The following UNC13C variants were observed in gnomAD, a reference collection of about 807,000 sequenced individuals.
UNC13C encodes the protein unc-13 homolog C, also known as protein unc-13 homolog C.
A neutral mutation model predicts 245.4 loss-of-function variants in UNC13C; 174 were observed. That is an observed-to-expected ratio of 0.71 (90% CI 0.63 to 0.80). The LOEUF is 0.80. Among genes scored for constraint, UNC13C ranks in the 30% least tolerant of loss-of-function variants. UNC13C has a pLI of 0.00. For synonymous variants in UNC13C, 992 were observed against 895.1 expected (o/e 1.11, Z -1.93); for missense variants, 2,829 against 2,602.9 (o/e 1.09, Z -1.89).
At chr15:54,567,470 C>T (rs1168212989) in intron 29 of UNC13C, among the ~76,000 whole-genome samples, 2 of 152,080 alleles carry the variant, frequency 1.3e-5, no homozygotes, top group African/African-American at 4.8e-5. Flanking sequence ...AGTCAATAAC[C>T]AGGTTGATAA....
chr15:54,118,576 T>C (rs2141189276), intron 2 of UNC13C, among the ~76,000 whole-genome samples: 1 of 152,282 alleles, frequency 6.6e-6, no homozygotes, highest in South Asian at 2.1e-4. Context: ...TAATATAATA[T>C]CATGTCATCT....
At chr15:54,364,650 T>C (rs1411709444) in intron 17 of UNC13C, among the ~76,000 whole-genome samples, 2 of 152,190 alleles carry the variant, frequency 1.3e-5, no homozygotes, top group Non-Finnish European at 2.9e-5. Context: ...CTCACACAAA[T>C]CTAAATAAGA....
At chr15:53,879,373 C>T in the UNC13C span, among the ~76,000 whole-genome samples, 3 of 152,088 alleles carry the variant, frequency 2.0e-5, no homozygotes, top group Non-Finnish European at 4.4e-5. Flanking sequence ...ATATTGCCCA[C>T]GCTGGTCTGA....
chr15:54,620,782 T>C (rs1900747900), intron 30 of UNC13C, among the ~76,000 whole-genome samples: 1 of 82,194 alleles, frequency 1.2e-5, no homozygotes, highest in South Asian at 4.5e-4. Context: ...CAAGACCCTG[T>C]CTCAAAAAAA....
At chr15:54,616,208 CAATCAATCAGCAGTAAGTTT>C (rs1308490251) in intron 30 of UNC13C, among the ~76,000 whole-genome samples, 1 of 151,916 alleles carries the variant, frequency 6.6e-6, no homozygotes, top group East Asian at 1.9e-4. Flanking sequence ...TAAGCTTTTT[CAATCAATCAGCAGTAAGTTT>C]AAAGTCCAGA....
intron 17 of UNC13C, among the ~76,000 whole-genome samples, chr15:54,372,224 A>G (rs1433784160): frequency 6.6e-6 from 1 of 152,076 alleles, no homozygotes; most frequent in African/African-American, 2.4e-5. Context: ...TACAATTTTT[A>G]CTTGTCAATT....
intron 13 of UNC13C, chr15:54,320,963 C>T (rs1447165654): frequency 5.0e-6 from 2 of 401,040 alleles, no homozygotes; most frequent in Non-Finnish European, 4.8e-6. Flanking sequence ...TATATTCATC[C>T]CCACTGCCAC....
At chr15:54,333,014 A>T (rs2038480215) in intron 15 of UNC13C, among the ~76,000 whole-genome samples, 1 of 152,018 alleles carries the variant, frequency 6.6e-6, no homozygotes, top group African/African-American at 2.4e-5. Flanking sequence ...TTTGGGGGCA[A>T]CAAGGGCCTG....
chr15:54,111,591 C>G (rs1317741844), intron 2 of UNC13C, among the ~76,000 whole-genome samples: 1 of 152,168 alleles, frequency 6.6e-6, no homozygotes, highest in East Asian at 1.9e-4. Flanking sequence ...ATGATCACCA[C>G]AAGACCTTTT....
At chr15:54,324,278 C>G (rs923349045) in intron 14 of UNC13C, among the ~76,000 whole-genome samples, 1 of 152,034 alleles carries the variant, frequency 6.6e-6, no homozygotes, top group Admixed American at 6.6e-5. Flanking sequence ...ATTCTGTCAT[C>G]TGGGACACAT....
the UNC13C span, among the ~76,000 whole-genome samples, chr15:53,935,991 C>G: frequency 6.6e-6 from 1 of 152,132 alleles, no homozygotes; most frequent in Non-Finnish European, 1.5e-5. Flanking sequence ...TCATTTATTC[C>G]CCTAGGAAGG....
intron 19 of UNC13C, among the ~76,000 whole-genome samples, chr15:54,425,232 T>C (rs2040735713): frequency 6.6e-6 from 1 of 151,818 alleles, no homozygotes; most frequent in Non-Finnish European, 1.5e-5. Flanking sequence ...ACTATGTAGA[T>C]GGCAGAGTTC....
At chr15:54,117,125 G>T (rs928191019) in intron 2 of UNC13C, among the ~76,000 whole-genome samples, 10 of 151,832 alleles carry the variant, frequency 6.6e-5, no homozygotes, top group African/African-American at 2.4e-4. Context: ...TTTTGTTGTT[G>T]TTGTTGTTGT....
intron 4 of UNC13C, among the ~76,000 whole-genome samples, chr15:54,149,125 C>A (rs1238992498): frequency 1.3e-5 from 2 of 152,118 alleles, no homozygotes; most frequent in East Asian, 3.9e-4. Context: ...CTGTCTCCTG[C>A]TGCCATGTAA....
intron 29 of UNC13C, among the ~76,000 whole-genome samples, chr15:54,561,431 T>G (rs952149968): frequency 6.6e-6 from 1 of 151,862 alleles, no homozygotes; most frequent in Non-Finnish European, 1.5e-5. Context: ...GCTGCAATGG[T>G]CTTGAAAGAC....
At chr15:54,451,187 G>C (rs964107417) in intron 19 of UNC13C, among the ~76,000 whole-genome samples, 1 of 151,688 alleles carries the variant, frequency 6.6e-6, no homozygotes, top group Non-Finnish European at 1.5e-5. Context: ...TTTATTGCAG[G>C]GTCAGTCTAG....
chr15:54,562,015 A>G (rs1897314015), intron 29 of UNC13C, among the ~76,000 whole-genome samples: 1 of 152,032 alleles, frequency 6.6e-6, no homozygotes, highest in African/African-American at 2.4e-5. Context: ...GGTTCCACCA[A>G]GAAAAATGGG....
At chr15:54,052,534 CTT>C (rs1897316697) in intron 2 of UNC13C, among the ~76,000 whole-genome samples, 1 of 152,188 alleles carries the variant, frequency 6.6e-6, no homozygotes. Flanking sequence ...CACTTGCTGA[CTT>C]TGAAAATTTT....
intron 16 of UNC13C, among the ~76,000 whole-genome samples, chr15:54,337,152 G>A: frequency 6.6e-6 from 1 of 152,150 alleles, no homozygotes; most frequent in Non-Finnish European, 1.5e-5. Context: ...TCTTTTGGGA[G>A]CAGGGTGGGG....
Sources: gnomAD v4.1 joint callset for allele counts (sites outside exome capture counted in the v4.1 genomes callset) on GRCh38, gnomAD v4.1.1 for gene constraint, MANE v1.5 for transcripts, NCBI Gene and HGNC (gene_info 2026-07-23, HGNC 2026-07-21) for gene names.